The following SOS1 variants were observed in gnomAD, a reference collection of about 807,000 sequenced individuals.
The protein encoded by SOS1 is SOS Ras/Rac guanine nucleotide exchange factor 1.
A neutral mutation model predicts 157.6 loss-of-function variants in SOS1; 25 were observed. The ratio of observed to expected loss-of-function variants is 0.16; its 90% CI spans 0.12 to 0.22. SOS1 has a LOEUF of 0.22. Among genes scored for constraint, SOS1 ranks in the 10% least tolerant of loss-of-function variants. The probability of loss-of-function intolerance (pLI) is 1.00; values close to 1 mark genes in which losing one functional copy is unlikely to be tolerated. For synonymous variants in SOS1, 528 were observed against 534.0 expected (o/e 0.99, Z 0.16); for missense variants, 1,237 against 1,599.1 (o/e 0.77, Z 3.86).
At chr2:39,078,513 C>CCTCA (rs76332956) in intron 1 of SOS1, among the ~76,000 whole-genome samples, 141,664 of 152,008 alleles carry the variant, frequency 0.93, 66,130 homozygotes, top group African/African-American at 0.97. Context: ...CATTAGGAAC[C>CCTCA]AGGCCACAGA....
At chr2:39,071,441 C>T (rs139848227) in intron 1 of SOS1, among the ~76,000 whole-genome samples, 19 of 152,246 alleles carry the variant, frequency 1.2e-4, no homozygotes, top group African/African-American at 4.3e-4. Context: ...AATACAACTA[C>T]AGTCCTATAA....
intron 6 of SOS1, among the ~76,000 whole-genome samples, chr2:39,040,126 C>T (rs1401496661): frequency 6.6e-6 from 1 of 151,964 alleles, no homozygotes; most frequent in East Asian, 1.9e-4. Flanking sequence ...ATTCTCCTGC[C>T]TCAGCCTCCC....
chr2:38,996,184 G>C (rs1668884582), intron 19 of SOS1, among the ~76,000 whole-genome samples: 2 of 152,074 alleles, frequency 1.3e-5, no homozygotes, highest in South Asian at 2.1e-4. Context: ...CCGCCTCCCG[G>C]GTTCAAGTGA....
chr2:39,041,207 AC>A (rs1558483693), intron 6 of SOS1, among the ~76,000 whole-genome samples: 1 of 151,978 alleles, frequency 6.6e-6, no homozygotes, highest in Admixed American at 6.6e-5. Context: ...ACAGGTGCAC[AC>A]CACCATCCTG....
At chr2:39,093,773 A>T (rs1435566490) in intron 1 of SOS1, among the ~76,000 whole-genome samples, 1 of 152,226 alleles carries the variant, frequency 6.6e-6, no homozygotes, top group African/African-American at 2.4e-5. Context: ...TGGAGTGGCA[A>T]TCATGGAAAG....
intron 10 of SOS1, among the ~76,000 whole-genome samples, chr2:39,019,284 A>C (rs917850081): frequency 1.9e-4 from 29 of 151,874 alleles, no homozygotes; most frequent in African/African-American, 7.0e-4. Flanking sequence ...AGACTACCAA[A>C]CTGGACACAG....
intron 5 of SOS1, among the ~76,000 whole-genome samples, chr2:39,052,140 T>C (rs551920347): frequency 6.6e-6 from 1 of 152,230 alleles, no homozygotes; most frequent in African/African-American, 2.4e-5. Flanking sequence ...TTCTGGACTT[T>C]CCATATAAAT....
intron 5 of SOS1, among the ~76,000 whole-genome samples, chr2:39,053,504 A>G (rs1671094918): frequency 6.6e-6 from 1 of 152,190 alleles, no homozygotes; most frequent in East Asian, 1.9e-4. Context: ...GTCCATTTAA[A>G]GTGAGTAATT....
At chr2:39,065,184 T>C (rs1671552516) in intron 2 of SOS1, among the ~76,000 whole-genome samples, 1 of 152,186 alleles carries the variant, frequency 6.6e-6, no homozygotes, top group Admixed American at 6.5e-5. Flanking sequence ...TTTGTAAGTG[T>C]ATTAAAGAAA....
At chr2:39,123,380 G>A (rs1351517798), upstream of SOS1, among the ~76,000 whole-genome samples, 1 of 146,118 alleles carries the variant, frequency 6.8e-6, no homozygotes, top group Non-Finnish European at 1.5e-5. Flanking sequence ...CTTTTTCTGA[G>A]ACAGAGTCTC....
At chr2:39,053,067 C>T (rs940559783) in intron 5 of SOS1, among the ~76,000 whole-genome samples, 15 of 152,090 alleles carry the variant, frequency 9.9e-5, no homozygotes, top group Admixed American at 6.5e-4. Context: ...GCAGGAGAAT[C>T]GCTTGAACCT....
chr2:39,049,889 A>G (rs1670946056), intron 6 of SOS1, among the ~76,000 whole-genome samples: 2 of 152,210 alleles, frequency 1.3e-5, no homozygotes, highest in Admixed American at 1.3e-4. Context: ...ATCCTGTTAT[A>G]AGGAGGGACT....
rs762919244 is a variant in SOS1 at position 39,058,622 on chromosome 2, G to A, written c.345+51C>T. On this transcript the variant is annotated intron_variant, in intron 3 of 22. Transcript: ENST00000402219. ...AATATATTCTTATTGTATAAAAATG[G>A]TGGGTTTTATTTTTCCCTTAAAAGG... 6 of 1,579,570 alleles carry A rather than the reference G, an allele frequency of 3.8e-6. No individual in the cohort carries two copies. The African/African-American group carries it at 8.1e-5, about 21-fold the overall frequency.
chr2:39,092,441 G>A (rs1468079325), intron 1 of SOS1, among the ~76,000 whole-genome samples: 1 of 152,100 alleles, frequency 6.6e-6, no homozygotes, highest in Non-Finnish European at 1.5e-5. Flanking sequence ...CCTCAGAGAG[G>A]CTGTCCTCGA....
intron 1 of SOS1, among the ~76,000 whole-genome samples, chr2:39,106,252 C>G (rs1468359077): frequency 6.6e-6 from 1 of 151,668 alleles, no homozygotes; most frequent in African/African-American, 2.4e-5. Flanking sequence ...AAAGGTTCCT[C>G]AAGTAATCTT....
chr2:39,014,857 A>G lies in SOS1; in HGVS notation c.1859-11T>C. 7.0e-7 allele frequency: 1 copy of G among 1,435,488 alleles called. No individual in the cohort carries two copies. The highest frequency in any genetic ancestry group is 1.1e-5 in the South Asian group (1 of 87,048). The allele number at this position is 1,435,488 out of a possible 1,614,324, so 88.9% of individuals were successfully genotyped here. ...GAACAAAATTGGGATCTAAGAAGAAAAAGGAAAAATATCTTATTAAACTCT... is the reference window on the plus strand; with the variant it reads ...GAACAAAATTGGGATCTAAGAAGAAGAAGGAAAAATATCTTATTAAACTCT... On this transcript the variant is annotated splice_polypyrimidine_tract_variant and intron_variant, in intron 10 of 22. Coordinates refer to ENST00000402219, the MANE Select transcript of SOS1 (RefSeq NM_005633.4).
At chr2:39,096,381 C>A (rs1490807261) in intron 1 of SOS1, among the ~76,000 whole-genome samples, 1 of 152,170 alleles carries the variant, frequency 6.6e-6, no homozygotes, top group Non-Finnish European at 1.5e-5. Flanking sequence ...CTTCAACTAT[C>A]TTCTTTCTCA....
intron 17 of SOS1, among the ~76,000 whole-genome samples, chr2:39,003,618 AGG>A (rs1308002504): frequency 7.9e-5 from 12 of 152,258 alleles, no homozygotes; most frequent in African/African-American, 2.9e-4. Context: ...AAAAATACCC[AGG>A]AAAAATAATA....
At chr2:39,017,966 A>G (rs1669680687) in intron 10 of SOS1, among the ~76,000 whole-genome samples, 1 of 151,954 alleles carries the variant, frequency 6.6e-6, no homozygotes, top group Non-Finnish European at 1.5e-5. Context: ...GACAGGTTAT[A>G]TAATTCTGTA....
Sources: allele counts gnomAD v4.1 joint callset (sites outside exome capture counted in the v4.1 genomes callset), GRCh38; gene constraint gnomAD v4.1.1; transcripts MANE v1.5; gene names NCBI Gene and HGNC (gene_info 2026-07-23, HGNC 2026-07-21).